The following GLRA3 variants were observed in gnomAD, a reference collection of about 807,000 sequenced individuals.
The protein encoded by GLRA3 is glycine receptor alpha 3.
A neutral mutation model predicts 60.4 loss-of-function variants in GLRA3; 44 were observed. That is an observed-to-expected ratio of 0.73 (90% CI 0.57 to 0.94). GLRA3 has a LOEUF of 0.94. GLRA3 is among the 40% of genes least tolerant of loss of function. The pLI is 0.00. For synonymous variants in GLRA3, 223 were observed against 192.9 expected (o/e 1.16, Z -1.29); for missense variants, 508 against 564.6 (o/e 0.90, Z 1.02).
chr4:174,670,489 A>G (rs1468082375), intron 7 of GLRA3, among the ~76,000 whole-genome samples: 1 of 152,112 alleles, frequency 6.6e-6, no homozygotes, highest in African/African-American at 2.4e-5. Flanking sequence ...CGATTCTAGG[A>G]TATATATGAA....
At chr4:174,688,333 AT>A (rs1734634690) in intron 5 of GLRA3, among the ~76,000 whole-genome samples, 1 of 106,682 alleles carries the variant, frequency 9.4e-6, no homozygotes, top group East Asian at 2.8e-4. Context: ...ATATATATAT[AT>A]ATATATATAT....
chr4:174,770,464 G>A (rs1738334768), intron 2 of GLRA3, among the ~76,000 whole-genome samples: 1 of 152,104 alleles, frequency 6.6e-6, no homozygotes, highest in Non-Finnish European at 1.5e-5. Context: ...ACAGAGAGAG[G>A]AGTCAGGGCT....
At chr4:174,654,372 A>T (rs1007230316) in intron 9 of GLRA3, among the ~76,000 whole-genome samples, 3 of 149,116 alleles carry the variant, frequency 2.0e-5, no homozygotes, top group Non-Finnish European at 4.4e-5. Flanking sequence ...AATAAAATAA[A>T]GTTTGTGTAC....
At chr4:174,646,057 A>C (rs890240993) in intron 9 of GLRA3, among the ~76,000 whole-genome samples, 1 of 152,212 alleles carries the variant, frequency 6.6e-6, no homozygotes, top group Non-Finnish European at 1.5e-5. Flanking sequence ...TATGTGTTAA[A>C]AGACATCTAT....
chr4:174,790,835 A>C (rs1373151412), intron 1 of GLRA3, among the ~76,000 whole-genome samples: 2 of 147,114 alleles, frequency 1.4e-5, no homozygotes, highest in African/African-American at 5.1e-5. Context: ...CAAAAAAAAA[A>C]AAAAAAAAAA....
intron 3 of GLRA3, among the ~76,000 whole-genome samples, chr4:174,729,680 AT>A (rs540472961): frequency 1.1e-3 from 171 of 152,258 alleles, no homozygotes; most frequent in African/African-American, 3.9e-3. Context: ...CTTTATAAAT[AT>A]TTTTTTCTAG....
intron 7 of GLRA3, among the ~76,000 whole-genome samples, chr4:174,675,259 G>C (rs149644498): frequency 3.3e-4 from 50 of 152,166 alleles, no homozygotes; most frequent in African/African-American, 1.1e-3. Flanking sequence ...GTAAGTTCTT[G>C]TGGAAATTAA....
chr4:174,646,485 C>CT (rs1263523101), intron 9 of GLRA3, among the ~76,000 whole-genome samples: 2 of 152,046 alleles, frequency 1.3e-5, no homozygotes, highest in Non-Finnish European at 2.9e-5. Context: ...TGGAGTCGGC[C>CT]TTTTTTACTG....
At chr4:174,813,524 G>A (rs762824121) in intron 1 of GLRA3, among the ~76,000 whole-genome samples, 11 of 152,082 alleles carry the variant, frequency 7.2e-5, no homozygotes, top group East Asian at 1.9e-4. Flanking sequence ...GTGTTGCCTC[G>A]TAACCAGTTG....
At chr4:174,771,961 G>T (rs1159636467) in intron 2 of GLRA3, among the ~76,000 whole-genome samples, 1 of 152,166 alleles carries the variant, frequency 6.6e-6, no homozygotes, top group East Asian at 1.9e-4. Context: ...ACATTTCAGT[G>T]TCCCTTGGGA....
chr4:174,794,928 C>T (rs536847063), intron 1 of GLRA3, among the ~76,000 whole-genome samples: 1 of 151,964 alleles, frequency 6.6e-6, no homozygotes, highest in East Asian at 1.9e-4. Flanking sequence ...TGAGTAGTGG[C>T]TCATTCATTT....
chr4:174,743,261 A>G (rs558399391), intron 3 of GLRA3, among the ~76,000 whole-genome samples: 2 of 152,310 alleles, frequency 1.3e-5, no homozygotes, highest in South Asian at 4.1e-4. Context: ...AAAAGAATTC[A>G]AGATTATAAA....
At position 174,829,035 on chromosome 4, in the gene GLRA3, A is replaced by T. The variant is rs72995877; in HGVS notation, c.-224T>A. 123 of 477,790 alleles carry T rather than the reference A, an allele frequency of 2.6e-4. 1 individual carries two copies. Among genetic ancestry groups the T allele is most frequent in the African/African-American group, 2.2e-3 (112 of 51,122 alleles). The allele number at this position is 477,790 out of a possible 1,614,324, so 29.6% of individuals were successfully genotyped here. On this transcript the variant is annotated 5_prime_UTR_variant, in exon 1 of 10. Coordinates refer to ENST00000274093, the MANE Select transcript of GLRA3 (RefSeq NM_006529.4). ...TTATAAATGTGCAGGTGATTTTTAC[A>T]GTGAAATTACAAAAATGAGTGAGAT...
intron 3 of GLRA3, among the ~76,000 whole-genome samples, chr4:174,738,552 T>C (rs917455331): frequency 1.3e-5 from 2 of 152,228 alleles, no homozygotes; most frequent in Non-Finnish European, 2.9e-5. Context: ...AAATTCATAT[T>C]TTGTTGAATG....
chr4:174,822,432 G>GA (rs1184162794), intron 1 of GLRA3, among the ~76,000 whole-genome samples: 2 of 151,998 alleles, frequency 1.3e-5, no homozygotes, highest in Non-Finnish European at 2.9e-5. Flanking sequence ...GCACATATAG[G>GA]AAAAAATAGT....
In GLRA3 at chr4:174,642,478, A is replaced by G; in HGVS notation, c.*1308T>C. On this transcript the variant is annotated 3_prime_UTR_variant, in exon 10 of 10. Coordinates refer to ENST00000274093, the MANE Select transcript of GLRA3 (RefSeq NM_006529.4). The stretch of plus-strand genomic sequence containing the variant: ...TAAAAAAATAGCAAAACTGAAAAAG[A>G]GTCAGAGTCTGGTTCTGTTTACCAA... The G allele has an allele frequency of 1.0e-6, 1 of 977,370 alleles. No homozygotes were observed. 60.5% of individuals were successfully genotyped at this position (977,370 alleles called of 1,614,324 possible).
intron 4 of GLRA3, among the ~76,000 whole-genome samples, chr4:174,726,812 G>T: frequency 7.0e-6 from 1 of 142,314 alleles, no homozygotes; most frequent in East Asian, 2.5e-4. Context: ...CCCGAAGTGA[G>T]ATTCTTGCTA....
chr4:174,828,823 A>T lies in GLRA3; in HGVS notation c.-12T>A, dbSNP rs958880261. On this transcript the variant is annotated 5_prime_UTR_variant, in exon 1 of 10. Transcript: ENST00000274093. ...CTCACGTGGGCCATGATACGGAGAG[A>T]TATTCACGATCCTGAAAATAGTCTT... The T allele has an allele frequency of 2.5e-6, 4 of 1,579,430 alleles. No individual in the cohort carries two copies. The highest frequency in any genetic ancestry group is 1.7e-5 in the Admixed American group (1 of 60,004).
chr4:174,825,265 C>G (rs984347268), intron 1 of GLRA3, among the ~76,000 whole-genome samples: 8 of 151,980 alleles, frequency 5.3e-5, no homozygotes, highest in Non-Finnish European at 1.0e-4. Context: ...TCTTCAATAT[C>G]TTACATAGAA....
Sources: gnomAD v4.1 joint callset for allele counts (sites outside exome capture counted in the v4.1 genomes callset) on GRCh38, gnomAD v4.1.1 for gene constraint, MANE v1.5 for transcripts, NCBI Gene and HGNC (gene_info 2026-07-23, HGNC 2026-07-21) for gene names.